MTX3: variants seen among roughly 807,000 people sequenced by gnomAD.
The protein encoded by MTX3 is metaxin-3.
MTX3 carries 27 observed loss-of-function variants against 42.5 expected under a neutral mutation model. The observed-to-expected ratio is 0.64, with a 90% CI of 0.47 to 0.88. MTX3 has a LOEUF of 0.88. Among genes scored for constraint, MTX3 ranks in the 40% least tolerant of loss-of-function variants. The probability of loss-of-function intolerance (pLI) is 0.00; values close to 1 mark genes in which losing one functional copy is unlikely to be tolerated. For missense variants in MTX3, 378 were observed against 367.0 expected, an observed-to-expected ratio of 1.03 and a Z score of -0.25; for synonymous variants, 144 against 132.9, an observed-to-expected ratio of 1.08 and a Z score of -0.57.
chr5:79,985,180 G>A (rs1485917132), intron 8 of MTX3, among the ~76,000 whole-genome samples: 3 of 152,010 alleles, frequency 2.0e-5, no homozygotes, highest in East Asian at 1.9e-4. Flanking sequence ...ACGGGGTTTC[G>A]CCGTATAAGC....
rs528646653 is a variant in MTX3, at chr5:79,990,157, C to G, written c.228+3G>C. ...ATCTACTTCTTCAAAGTGAACCACC[C>G]ACCTGTTTTCTTAAAAAGTTTAGTA... is the stretch of plus-strand genomic sequence containing the variant. On this transcript the variant is annotated splice_donor_region_variant and intron_variant, in intron 3 of 8. Coordinates refer to ENST00000512528, the MANE Select transcript of MTX3 (RefSeq NM_001363818.2). The G allele has an allele frequency of 1.3e-6, 2 of 1,598,066 alleles. No homozygotes were observed. Among genetic ancestry groups the G allele is most frequent in the South Asian group, 2.2e-5 (2 of 89,186 alleles).
rs748007803 is a variant in MTX3 at position 79,989,190 on chromosome 5, A to T, written c.283T>A (p.Tyr95Asn). 1.9e-6 allele frequency: 3 copies of T among 1,609,456 alleles called. No homozygotes were observed. Among genetic ancestry groups the T allele is most frequent in the Non-Finnish European group, 2.5e-6 (3 of 1,177,736 alleles). ...SAKQGADTLA[Y>N]IALLEEKLLP... ...AGCTTCTCTTCGAGGAGAGCAATAT[A>T]AGCCAATGTATCTGCCCCTTGTTTT... The change falls in exon 4 of 9, where the codon TAT becomes AAT. Residue 95 changes from tyrosine (Y) to asparagine (N), a missense_variant. Transcript: ENST00000512528.
At position 79,982,824 on chromosome 5, in the gene MTX3, G is replaced by A. The variant is rs1183139512; in HGVS notation, c.*860C>T. The A allele has an allele frequency of 6.1e-6, 1 of 164,978 alleles. No homozygotes were observed. Among genetic ancestry groups the A allele is most frequent in the African/African-American group, 2.4e-5 (1 of 41,558 alleles). 10.2% of individuals were successfully genotyped at this position (164,978 alleles called of 1,614,324 possible). A position where few individuals can be genotyped will look rare whatever the true frequency, so the allele number is the denominator to read the frequency against. On this transcript the variant is annotated 3_prime_UTR_variant, in exon 9 of 9. Transcript: ENST00000512528. ...TACCCTGGCCATGGGCTCCTCCTGA[G>A]TAGTGTCTAACAAGTGGGCAATTTC...
intron 8 of MTX3, among the ~76,000 whole-genome samples, chr5:79,984,909 C>G (rs999775228): frequency 6.6e-6 from 1 of 151,964 alleles, no homozygotes; most frequent in Non-Finnish European, 1.5e-5. Context: ...AAGGATAAGC[C>G]CAGTGCTTAC....
In MTX3 at chr5:79,991,235, C is replaced by G. The variant is rs1831661967; in HGVS notation, c.4G>C (p.Ala2Pro). The G allele has an allele frequency of 6.9e-7, 1 of 1,452,338 alleles. No individual in the cohort carries two copies. The highest frequency in any genetic ancestry group is 2.5e-5 in the East Asian group (1 of 39,438). The allele number at this position is 1,452,338 out of a possible 1,614,324, so 90.0% of individuals were successfully genotyped here. ...CAGCAACTGAGTTCCAAGGGGGCCGCCATCTTGCGCGGGCCGACCTTTACT... is the reference window on the plus strand; with the variant it reads ...CAGCAACTGAGTTCCAAGGGGGCCGGCATCTTGCGCGGGCCGACCTTTACT... M[A>P]APLELSCWGG... Residue 2 changes from alanine (A) to proline (P), a missense_variant, in exon 1 of 9, where the codon GCG (alanine) becomes CCG (proline). Physicochemically the swap from Ala to Pro is conservative, Grantham distance 27. Coordinates refer to ENST00000512528, the MANE Select transcript of MTX3 (RefSeq NM_001363818.2).
At position 79,980,277 on chromosome 5, in the gene MTX3, T is replaced by A. The variant is rs1028057916; in HGVS notation, c.*3407A>T. 2.6e-5 allele frequency: 4 copies of A among 152,190 alleles called. No individual in the cohort carries two copies. The highest frequency in any genetic ancestry group is 9.7e-5 in the African/African-American group (4 of 41,442). 9.4% of individuals were successfully genotyped at this position (152,190 alleles called of 1,614,324 possible). ...TATCCCCCTTACCTGTTTCTGCCTC[T>A]TTCAATGGTGTTTTTCCATTTTTAC... On this transcript the variant is annotated 3_prime_UTR_variant, in exon 9 of 9. Coordinates refer to ENST00000512528, the MANE Select transcript of MTX3 (RefSeq NM_001363818.2).
In MTX3 at chr5:79,991,229, G is replaced by A. The variant is rs1034352417; in HGVS notation, c.10C>T (p.Pro4Ser). 81 of 1,457,250 alleles carry A rather than the reference G, an allele frequency of 5.6e-5. No homozygotes were observed. The highest frequency in any genetic ancestry group is 7.2e-5 in the Non-Finnish European group (79 of 1,101,014). 90.3% of individuals were successfully genotyped at this position (1,457,250 alleles called of 1,614,324 possible). ...CCTCCCCAGCAACTGAGTTCCAAGG[G>A]GGCCGCCATCTTGCGCGGGCCGACC... MAA[P>S]LELSCWGGGW... Residue 4 changes from proline to serine, a missense_variant, in exon 1 of 9, where the codon CCC (proline) becomes TCC (serine). Coordinates refer to ENST00000512528, the MANE Select transcript of MTX3 (RefSeq NM_001363818.2).
chr5:79,984,582 C>T (rs943320128), intron 8 of MTX3, among the ~76,000 whole-genome samples: 2 of 151,282 alleles, frequency 1.3e-5, no homozygotes, highest in African/African-American at 4.9e-5. Flanking sequence ...CCTCATTGCC[C>T]TATGAGTTTG....
At chr5:79,988,903 A>G (rs1018638303) in intron 4 of MTX3, among the ~76,000 whole-genome samples, 1 of 152,222 alleles carries the variant, frequency 6.6e-6, no homozygotes, top group East Asian at 1.9e-4. Flanking sequence ...ATTACACCCA[A>G]TTCTATACAT....
chr5:79,989,216 G>C lies in MTX3; in HGVS notation c.257C>G (p.Ala86Gly), dbSNP rs369356223. The part of the protein sequence containing the change: ...QKYNADYELS[A>G]KQGADTLAYI... ...AGCCAATGTATCTGCCCCTTGTTTT[G>C]CTGAGAGTTCATAATCAGCATTATA... The change falls in exon 4 of 9, where the codon GCA (alanine) becomes GGA (glycine). Residue 86 changes from alanine to glycine, a missense_variant. Coordinates refer to ENST00000512528, the MANE Select transcript of MTX3 (RefSeq NM_001363818.2). 2.9e-5 allele frequency: 46 copies of C among 1,605,814 alleles called. No homozygotes were observed. In the South Asian group the frequency reaches 3.5e-4, roughly 12 times the overall value.
chr5:79,985,924 GTT>G (rs59185045), intron 7 of MTX3, among the ~76,000 whole-genome samples: 1 of 98,306 alleles, frequency 1.0e-5, no homozygotes, highest in African/African-American at 3.6e-5. Flanking sequence ...ACAATAATTA[GTT>G]TTTTTTTTTT....
At chr5:79,988,353 A>T in intron 5 of MTX3, 38 bp from the exon 6 acceptor site, 3 of 1,500,126 alleles carry the variant, frequency 2.0e-6, no homozygotes, top group Non-Finnish European at 2.7e-6. Flanking sequence ...AGTAGAAAAG[A>T]TACTCTAAAA....
In MTX3 at chr5:79,987,122, A is replaced by G; in HGVS notation, c.582-15T>C. The G allele has an allele frequency of 6.2e-7, 1 of 1,612,230 alleles. No individual in the cohort carries two copies. The highest frequency in any genetic ancestry group is 8.5e-7 in the Non-Finnish European group (1 of 1,179,154). ...AGGTAGAAGGCCTAGAAATAAATTA[A>G]GGATTTTTAAAGCACATAAGACAAT... On this transcript the variant is annotated splice_polypyrimidine_tract_variant and intron_variant, in intron 6 of 8. Transcript: ENST00000512528.
chr5:79,984,536 G>A (rs968641555), intron 8 of MTX3, among the ~76,000 whole-genome samples: 1 of 151,886 alleles, frequency 6.6e-6, no homozygotes, highest in Non-Finnish European at 1.5e-5. Context: ...ATAACACAGT[G>A]GTGGACCTCA....
intron 3 of MTX3, among the ~76,000 whole-genome samples, chr5:79,989,884 TA>T (rs1170024269): frequency 6.6e-6 from 1 of 152,190 alleles, no homozygotes; most frequent in Non-Finnish European, 1.5e-5. Flanking sequence ...TCAATAAGTT[TA>T]ATAGTGAAAA....
chr5:79,985,277 G>C (rs775260150), intron 8 of MTX3, among the ~76,000 whole-genome samples: 2 of 152,006 alleles, frequency 1.3e-5, no homozygotes, highest in African/African-American at 4.8e-5. Context: ...CACCGCGCCC[G>C]GCCGCTTTGT....
At chr5:79,990,410 T>C (rs1035653558) in intron 2 of MTX3, among the ~76,000 whole-genome samples, 174 bp from the exon 3 acceptor site, 2 of 152,246 alleles carry the variant, frequency 1.3e-5, no homozygotes, top group Admixed American at 1.3e-4. Context: ...TCGTTTCTCA[T>C]AATTTCCAGT....
At position 79,983,595 on chromosome 5, in the gene MTX3, A is replaced by G. The variant is rs1831420501; in HGVS notation, c.*89T>C. The G allele has an allele frequency of 1.1e-6, 1 of 908,246 alleles. No individual in the cohort carries two copies. Among genetic ancestry groups the G allele is most frequent in the East Asian group, 2.4e-5 (1 of 41,556 alleles). 56.3% of individuals were successfully genotyped at this position (908,246 alleles called of 1,614,324 possible). A position where few individuals can be genotyped will look rare whatever the true frequency, so the allele number is the denominator to read the frequency against. On this transcript the variant is annotated 3_prime_UTR_variant, in exon 9 of 9. Coordinates refer to ENST00000512528, the MANE Select transcript of MTX3 (RefSeq NM_001363818.2). ...TGGTTTAGAGTCTTCCTTAATACCTATTATGGTATCTTCTTTTTGCCTTCA... is the reference window on the plus strand; with the variant it reads ...TGGTTTAGAGTCTTCCTTAATACCTGTTATGGTATCTTCTTTTTGCCTTCA...
chr5:79,990,364 T>C (rs994875723), intron 2 of MTX3, 128 bp from the exon 3 acceptor site: 18 of 737,120 alleles, frequency 2.4e-5, no homozygotes, highest in Non-Finnish European at 3.7e-5. Context: ...CTTGGTTTTT[T>C]TGCTGTTTCA....
Sources: allele counts gnomAD v4.1 joint callset (sites outside exome capture counted in the v4.1 genomes callset), GRCh38; gene constraint gnomAD v4.1.1; transcripts MANE v1.5; gene names NCBI Gene and HGNC (gene_info 2026-07-23, HGNC 2026-07-21).